The following HDAC8 variants were observed in gnomAD, a reference collection of about 807,000 sequenced individuals.
The protein encoded by HDAC8 is histone deacetylase 8, also known as histone deacetylase-like 1.
Under a neutral mutation model 32.2 loss-of-function variants are expected in HDAC8, and 1 was observed. The observed-to-expected ratio is 0.03, with a 90% confidence interval of 0.01 to 0.15. The LOEUF (loss-of-function observed/expected upper bound fraction) is 0.15, where lower values mean the gene tolerates loss of function less well. Among genes scored for constraint, HDAC8 ranks in the 10% least tolerant of loss-of-function variants. The probability of loss-of-function intolerance (pLI) is 1.00; values close to 1 mark genes in which losing one functional copy is unlikely to be tolerated. For synonymous variants in HDAC8, 108 were observed against 113.9 expected (o/e 0.95, Z 0.33); for missense variants, 117 against 300.0 (o/e 0.39, Z 4.51).
intron 9 of HDAC8, among the ~76,000 whole-genome samples, chrX:72,444,154 G>GA (rs2047286124): frequency 9.6e-6 from 1 of 104,164 alleles, no homozygotes; most frequent in African/African-American, 3.6e-5. Flanking sequence ...CCAATCAATA[G>GA]AAAAAGAGGG....
At chrX:72,519,462 C>T (rs1316038278) in intron 4 of HDAC8, among the ~76,000 whole-genome samples, 1 of 112,406 alleles carries the variant, frequency 8.9e-6, no homozygotes, top group African/African-American at 3.2e-5. Context: ...CTTGCCAACA[C>T]TTATTGTCTA....
At position 72,469,867 on chromosome X, in the gene HDAC8, T is replaced by C. The variant is rs1777844053; in HGVS notation, c.738-5136A>G. ...CATTCTTGATATAAAAAATTAAACA[T>C]GGCCGGTCACGGTGGCTCATACCTG... On this transcript the variant is annotated intron_variant, in intron 7 of 10. Coordinates refer to ENST00000373573, the MANE Select transcript of HDAC8 (RefSeq NM_018486.3). 2.7e-5 allele frequency among the ~76,000 whole-genome samples: 3 copies of C among 110,896 alleles called. No individual in the cohort carries two copies. In the South Asian group the frequency reaches 1.2e-3, roughly 43 times the overall value.
At chrX:72,496,783 GAA>G (rs201655109) in intron 4 of HDAC8, among the ~76,000 whole-genome samples, 2 of 72,712 alleles carry the variant, frequency 2.8e-5, no homozygotes, top group African/African-American at 5.2e-5. Flanking sequence ...CATAAACACA[GAA>G]AAAAAAAAAA....
In HDAC8 at chrX:72,423,734, A is replaced by G. The variant is rs782224605; in HGVS notation, c.1005+38270T>C. ...TGTACTTATCACTAACTCATACTACATTCTTTGACAGAATTATTAGTCCTC... is the reference window on the plus strand; with the variant it reads ...TGTACTTATCACTAACTCATACTACGTTCTTTGACAGAATTATTAGTCCTC... On this transcript the variant is annotated intron_variant, in intron 9 of 10. Coordinates refer to ENST00000373573, the MANE Select transcript of HDAC8 (RefSeq NM_018486.3). 2.7e-5 allele frequency among the ~76,000 whole-genome samples: 3 copies of G among 112,191 alleles called. No individual in the cohort carries two copies. In the Admixed American group the frequency reaches 2.8e-4, roughly 11 times the overall value.
intron 9 of HDAC8, among the ~76,000 whole-genome samples, chrX:72,375,988 T>G (rs1555957921): frequency 8.9e-6 from 1 of 112,276 alleles, no homozygotes; most frequent in Non-Finnish European, 1.9e-5. Flanking sequence ...TTCTTGTTAG[T>G]TTTGGTATTG....
chrX:72,350,935 G>A (rs1011894211), intron 10 of HDAC8, among the ~76,000 whole-genome samples: 7 of 112,103 alleles, frequency 6.2e-5, no homozygotes, highest in Non-Finnish European at 1.3e-4. Context: ...CAGCCCATCT[G>A]CAGCACTCTG....
At chrX:72,338,768 G>A (rs2043804973) in intron 10 of HDAC8, among the ~76,000 whole-genome samples, 1 of 99,784 alleles carries the variant, frequency 1.0e-5, no homozygotes. Flanking sequence ...AAACCTTCAG[G>A]CCAAGCCCAG....
rs374286152 is a variant in HDAC8 at position 72,383,863 on chromosome X, C to A, written c.1006-32025G>T. On this transcript the variant is annotated intron_variant, in intron 9 of 10. Coordinates refer to ENST00000373573, the MANE Select transcript of HDAC8 (RefSeq NM_018486.3). Reference sequence around the variant, plus strand: ...CCAGCCTGGGTGACAGAGTGAGATGCCATCTCAAAAAAAAAAAAAAAAAAA... The same window carrying A: ...CCAGCCTGGGTGACAGAGTGAGATGACATCTCAAAAAAAAAAAAAAAAAAA... Among the ~76,000 whole-genome samples the A allele has an allele frequency of 1.5e-3, 132 of 89,550 alleles. 1 individual carries two copies. The highest frequency in any genetic ancestry group is 5.3e-3 in the African/African-American group (121 of 22,715). The allele number at this position is 89,550 out of a possible 115,157, so 77.8% of individuals were successfully genotyped here. A position where few individuals can be genotyped will look rare whatever the true frequency, so the allele number is the denominator to read the frequency against.
chrX:72,570,362 C>CTTGTT (rs2147602474), intron 2 of HDAC8, among the ~76,000 whole-genome samples: 1 of 111,845 alleles, frequency 8.9e-6, no homozygotes, highest in East Asian at 2.8e-4. Context: ...GCTTTGATAT[C>CTTGTT]TTGTTTGTCA....
At chrX:72,394,345 GGACTTGTGCAT>G (rs2045700495) in intron 9 of HDAC8, among the ~76,000 whole-genome samples, 2 of 110,988 alleles carry the variant, frequency 1.8e-5, no homozygotes, top group Non-Finnish European at 3.8e-5. Flanking sequence ...CTATCCCTTG[GGACTTGTGCAT>G]GATTGATTAT....
At chrX:72,562,686 AT>A (rs1340201484) in intron 4 of HDAC8, among the ~76,000 whole-genome samples, 10 of 110,691 alleles carry the variant, frequency 9.0e-5, no homozygotes, top group African/African-American at 2.0e-4. Flanking sequence ...AAATAAAAAA[AT>A]ATATATATAA....
At chrX:72,562,977 G>A (rs1556124694) in intron 4 of HDAC8, among the ~76,000 whole-genome samples, 1 of 107,855 alleles carries the variant, frequency 9.3e-6, no homozygotes, top group African/African-American at 3.4e-5. Context: ...TGCCTCCTGG[G>A]TTCAAGCGAT....
intron 4 of HDAC8, among the ~76,000 whole-genome samples, chrX:72,557,827 T>C (rs944279741): frequency 3.6e-5 from 4 of 111,308 alleles, no homozygotes; most frequent in Non-Finnish European, 7.5e-5. Flanking sequence ...ATAAAATTGA[T>C]AGACAATTGG....
chrX:72,443,323 A>G (rs2047243250), intron 9 of HDAC8, among the ~76,000 whole-genome samples: 1 of 110,835 alleles, frequency 9.0e-6, no homozygotes, highest in Non-Finnish European at 1.9e-5. Context: ...AACAGAAATT[A>G]TAACAAACTG....
At chrX:72,517,193 T>C (rs1556025739) in intron 4 of HDAC8, among the ~76,000 whole-genome samples, 1 of 112,474 alleles carries the variant, frequency 8.9e-6, no homozygotes, top group Admixed American at 9.4e-5. Context: ...GTTGAGCATC[T>C]TTTCAAGTGC....
chrX:72,366,883 G>A (rs782176407), intron 9 of HDAC8, among the ~76,000 whole-genome samples: 2 of 111,756 alleles, frequency 1.8e-5, no homozygotes, highest in African/African-American at 6.5e-5. Flanking sequence ...AATGACTCTC[G>A]TTTCTGAGCA....
chrX:72,504,300 C>A (rs1001346454), intron 4 of HDAC8, among the ~76,000 whole-genome samples: 4 of 112,011 alleles, frequency 3.6e-5, no homozygotes, highest in African/African-American at 9.7e-5. Context: ...CAAAAGAAAA[C>A]CCATGCTTAT....
At chrX:72,561,080 A>G (rs1300742103) in intron 4 of HDAC8, among the ~76,000 whole-genome samples, 2 of 112,297 alleles carry the variant, frequency 1.8e-5, no homozygotes, top group African/African-American at 6.5e-5. Flanking sequence ...TTCCATGCTC[A>G]TGGATGGGTA....
At chrX:72,380,827 T>C (rs1187495786) in intron 9 of HDAC8, among the ~76,000 whole-genome samples, 4 of 112,014 alleles carry the variant, frequency 3.6e-5, no homozygotes, top group Non-Finnish European at 5.6e-5. Flanking sequence ...TTATTTAACC[T>C]AACATATTCA....
Sources: allele counts gnomAD v4.1 joint callset (sites outside exome capture counted in the v4.1 genomes callset), GRCh38; gene constraint gnomAD v4.1.1; transcripts MANE v1.5; gene names NCBI Gene and HGNC (gene_info 2026-07-23, HGNC 2026-07-21).